The following ERICH3 variants were observed in gnomAD, a reference collection of about 807,000 sequenced individuals.
The protein encoded by ERICH3 is glutamate rich 3, also known as glutamate-rich protein 3.
Under a neutral mutation model 131.1 loss-of-function variants are expected in ERICH3, and 126 were observed. The observed-to-expected ratio is 0.96, with a 90% CI of 0.83 to 1.11. ERICH3 has a LOEUF of 1.11. Ranked by LOEUF, ERICH3 falls within the 50% of genes most tolerant of loss-of-function variation. The pLI is 0.00. For missense variants in ERICH3, 2,050 were observed against 1,810.7 expected, an observed-to-expected ratio of 1.13 and a Z score of -2.40; for synonymous variants, 695 against 644.6, an observed-to-expected ratio of 1.08 and a Z score of -1.18.
In ERICH3 at chr1:74,646,917, G is replaced by C. The variant is rs566602209; in HGVS notation, c.118-125C>G. On this transcript the variant is annotated intron_variant, in intron 2 of 14. Coordinates refer to ENST00000326665, the MANE Select transcript of ERICH3 (RefSeq NM_001002912.5). Reference sequence around the variant, plus strand: ...ACACACACACACACACACACACACAGAGAGAGAAAGAGAGAGAGAGAGGCA... The same window carrying C: ...ACACACACACACACACACACACACACAGAGAGAAAGAGAGAGAGAGAGGCA... 4,621 of 156,512 alleles carry C rather than the reference G, an allele frequency of 0.03. 141 individuals are homozygous for C. Among genetic ancestry groups the C allele is most frequent in the African/African-American group, 0.069 (2,185 of 31,566 alleles). The allele number at this position is 156,512 out of a possible 1,614,324, so 9.7% of individuals were successfully genotyped here. A position where few individuals can be genotyped will look rare whatever the true frequency, so the allele number is the denominator to read the frequency against.
chr1:74,579,403 C>T (rs1647136221), intron 12 of ERICH3: 1 of 985,352 alleles, frequency 1.0e-6, no homozygotes, highest in East Asian at 1.1e-4. Context: ...TTAAAACTCA[C>T]TCAGAAATGA....
chr1:74,661,293 C>T (rs1367787510), intron 1 of ERICH3, among the ~76,000 whole-genome samples: 1 of 152,122 alleles, frequency 6.6e-6, no homozygotes, highest in Non-Finnish European at 1.5e-5. Context: ...AGCAATGATG[C>T]AGTTTCATGA....
chr1:74,650,865 TGTGTA>T (rs1646527537), intron 1 of ERICH3, among the ~76,000 whole-genome samples: 1 of 151,692 alleles, frequency 6.6e-6, no homozygotes. Context: ...TGTGTGTGTG[TGTGTA>T]TACTTATATA....
intron 12 of ERICH3, among the ~76,000 whole-genome samples, chr1:74,584,247 A>G (rs930899418): frequency 7.2e-5 from 11 of 152,256 alleles, no homozygotes; most frequent in Non-Finnish European, 1.3e-4. Flanking sequence ...ACAGTTGCAG[A>G]GAATGCTAAA....
At chr1:74,642,495 C>A (rs972192209) in intron 4 of ERICH3, among the ~76,000 whole-genome samples, 1 of 152,024 alleles carries the variant, frequency 6.6e-6, no homozygotes, top group African/African-American at 2.4e-5. Flanking sequence ...TTCCTGAGTT[C>A]ACTGCAAAGA....
intron 1 of ERICH3, among the ~76,000 whole-genome samples, chr1:74,667,047 AAAAAGT>A (rs1646699157): frequency 6.6e-6 from 1 of 152,204 alleles, no homozygotes; most frequent in African/African-American, 2.4e-5. Flanking sequence ...TCAGTTAAAC[AAAAAGT>A]AAAATTAATG....
At chr1:74,662,660 A>G (rs1408737507) in intron 1 of ERICH3, among the ~76,000 whole-genome samples, 1 of 152,174 alleles carries the variant, frequency 6.6e-6, no homozygotes, top group Non-Finnish European at 1.5e-5. Context: ...CTTAAAAACA[A>G]AAGTTAATTA....
Position 74,606,806 on chromosome 1 carries a change from C to A in ERICH3, c.1284G>T (p.Glu428Asp). 6.2e-7 allele frequency: 1 copy of A among 1,613,286 alleles called. No individual in the cohort carries two copies. The highest frequency in any genetic ancestry group is 8.5e-7 in the Non-Finnish European group (1 of 1,179,520). The change falls in exon 10 of 15, where the codon GAG becomes GAT. Residue 428 changes from glutamate (E) to aspartate (D), a missense_variant. Transcript: ENST00000326665. Reference protein sequence around the residue: ...TEKGEELKKAEGKVRKEREYV... With the variant: ...TEKGEELKKADGKVRKEREYV... ...ACTCTCTCTCTTTCCTCACTTTCCC[C>A]TCAGCCTTCTTCAGTTCCTCTCCTT...
intron 4 of ERICH3, 126 bp downstream of exon 4, chr1:74,642,901 C>T (rs1015819768): frequency 2.6e-5 from 17 of 658,346 alleles, no homozygotes; most frequent in Non-Finnish European, 3.8e-5. Flanking sequence ...GGTGAACCAT[C>T]ATTGACTTCA....
chr1:74,635,949 G>GAAGT (rs745488890), intron 6 of ERICH3, among the ~76,000 whole-genome samples: 20 of 152,184 alleles, frequency 1.3e-4, no homozygotes, highest in Admixed American at 4.6e-4. Context: ...AAATTTGGAA[G>GAAGT]AAGTCAACAC....
chr1:74,592,299 T>C (rs1647646182), intron 11 of ERICH3: 1 of 152,164 alleles, frequency 6.6e-6, no homozygotes, highest in Non-Finnish European at 1.5e-5. Context: ...ATCTCTCTGG[T>C]AGAAAATGTA....
At chr1:74,621,852 T>A (rs1243824826) in intron 7 of ERICH3, 1 of 151,982 alleles carries the variant, frequency 6.6e-6, no homozygotes, top group Non-Finnish European at 1.5e-5. Flanking sequence ...GCTGAGAGGG[T>A]TGAAAGACTT....
chr1:74,649,565 G>T (rs1395636824), intron 1 of ERICH3, among the ~76,000 whole-genome samples: 1 of 152,092 alleles, frequency 6.6e-6, no homozygotes, highest in Non-Finnish European at 1.5e-5. Context: ...CAAGTAAAGT[G>T]GATGGGGAAA....
At chr1:74,573,756 T>C (rs2100516561) in intron 13 of ERICH3, among the ~76,000 whole-genome samples, 1 of 152,236 alleles carries the variant, frequency 6.6e-6, no homozygotes, top group Admixed American at 6.5e-5. Context: ...AAGCTGATCA[T>C]CAGAGATGTT....
chr1:74,650,124 G>C (rs1044338118), intron 1 of ERICH3, among the ~76,000 whole-genome samples: 4 of 152,034 alleles, frequency 2.6e-5, no homozygotes, highest in Non-Finnish European at 5.9e-5. Flanking sequence ...ATTGTTATAA[G>C]TTCCTAACTA....
At chr1:74,577,792 A>C (rs570636097) in intron 12 of ERICH3, among the ~76,000 whole-genome samples, 20 of 152,286 alleles carry the variant, frequency 1.3e-4, no homozygotes, top group African/African-American at 4.8e-4. Context: ...ATAATTGAAA[A>C]AAACAGTTTA....
intron 2 of ERICH3, among the ~76,000 whole-genome samples, chr1:74,648,519 G>C (rs1393797100): frequency 6.6e-6 from 1 of 152,144 alleles, no homozygotes; most frequent in Non-Finnish European, 1.5e-5. Context: ...CTGTCAGCTA[G>C]AGTGCCAAGC....
chr1:74,658,609 A>T (rs1328769726), intron 1 of ERICH3, among the ~76,000 whole-genome samples: 3 of 152,324 alleles, frequency 2.0e-5, no homozygotes, highest in African/African-American at 7.2e-5. Context: ...AAAGAAAAAA[A>T]ATAAAATTGT....
intron 13 of ERICH3, among the ~76,000 whole-genome samples, chr1:74,576,481 G>T (rs1200765727): frequency 6.6e-6 from 1 of 152,134 alleles, no homozygotes; most frequent in Non-Finnish European, 1.5e-5. Flanking sequence ...TGCCAAGTGA[G>T]AAATGGAGCT....
Sources: gnomAD v4.1 joint callset for allele counts (sites outside exome capture counted in the v4.1 genomes callset) on GRCh38, gnomAD v4.1.1 for gene constraint, MANE v1.5 for transcripts, NCBI Gene and HGNC (gene_info 2026-07-23, HGNC 2026-07-21) for gene names.